Variants in TNPO3 observed in about 807,000 individuals in gnomAD.
The protein encoded by TNPO3 is transportin-3.
In TNPO3, 65 loss-of-function variants were observed where a neutral mutation model predicts 122.8. The observed-to-expected ratio is 0.53, with a 90% CI of 0.43 to 0.65. The LOEUF is 0.65. TNPO3 is among the 30% of genes least tolerant of loss of function. TNPO3 has a pLI of 0.00. For missense variants in TNPO3, 850 were observed against 1,136.7 expected, an observed-to-expected ratio of 0.75 and a Z score of 3.63; for synonymous variants, 372 against 411.2, an observed-to-expected ratio of 0.90 and a Z score of 1.15.
intron 1 of TNPO3, among the ~76,000 whole-genome samples, chr7:129,050,589 G>A (rs1808636390): frequency 6.6e-6 from 1 of 152,176 alleles, no homozygotes; most frequent in African/African-American, 2.4e-5. Flanking sequence ...AAAGATTGAA[G>A]TAGGTGGTCT....
intron 1 of TNPO3, among the ~76,000 whole-genome samples, chr7:129,036,553 A>G (rs1485218006): frequency 6.6e-6 from 1 of 152,200 alleles, no homozygotes; most frequent in African/African-American, 2.4e-5. Flanking sequence ...TTGAATACAG[A>G]CTGATAATAC....
In TNPO3 at chr7:128,990,301, G is replaced by A. The variant is rs910541791; in HGVS notation, c.1359-201C>T. The A allele has an allele frequency of 2.1e-5, 14 of 667,686 alleles. No homozygotes were observed. The South Asian group carries it at 2.3e-4, about 11-fold the overall frequency. The allele number at this position is 667,686 out of a possible 1,614,324, so 41.4% of individuals were successfully genotyped here. On this transcript the variant is annotated intron_variant, in intron 10 of 22. Transcript: ENST00000265388. ...GATAGAAATGAAAGATATTGTTTCAGGAAAAGCATACTGCTCCTTAATCTT... is the reference window on the plus strand; with the variant it reads ...GATAGAAATGAAAGATATTGTTTCAAGAAAAGCATACTGCTCCTTAATCTT...
chr7:129,051,653 G>T (rs1808786675), intron 1 of TNPO3, among the ~76,000 whole-genome samples: 1 of 151,414 alleles, frequency 6.6e-6, no homozygotes. Flanking sequence ...CAACTTTTTT[G>T]TTTTTTTTGA....
rs981808373 is a variant in TNPO3, at chr7:128,970,059, C to G, written c.2598+89G>C. 2.2e-5 allele frequency: 33 copies of G among 1,525,624 alleles called. 1 individual carries two copies. In the Admixed American group the frequency reaches 2.2e-4, roughly 10 times the overall value. 94.5% of individuals were successfully genotyped at this position (1,525,624 alleles called of 1,614,324 possible). On this transcript the variant is annotated intron_variant, in intron 20 of 22. Coordinates refer to ENST00000265388, the MANE Select transcript of TNPO3 (RefSeq NM_012470.4). ...TTGGTTCCATGGACAGAAAACAGGG[C>G]TAGTTTCAAAATTAGGGTTGGCCTT...
chr7:129,035,778 G>A (rs1806576724), intron 1 of TNPO3, among the ~76,000 whole-genome samples: 1 of 152,088 alleles, frequency 6.6e-6, no homozygotes, highest in Non-Finnish European at 1.5e-5. Flanking sequence ...TGATGTGATT[G>A]AGTAAAAATG....
intron 8 of TNPO3, among the ~76,000 whole-genome samples, chr7:128,996,102 C>T (rs1049686749): frequency 6.6e-6 from 1 of 152,126 alleles, no homozygotes; most frequent in African/African-American, 2.4e-5. Flanking sequence ...ATGACTCAAA[C>T]ACAATACTAA....
chr7:129,012,093 C>T (rs370245389), intron 4 of TNPO3, among the ~76,000 whole-genome samples: 1 of 150,042 alleles, frequency 6.7e-6, no homozygotes, highest in East Asian at 2.0e-4. Context: ...GCAACCTCCG[C>T]CTCCCAGGTT....
intron 21 of TNPO3, among the ~76,000 whole-genome samples, chr7:128,959,282 T>C (rs890993809): frequency 2.0e-5 from 3 of 152,200 alleles, no homozygotes; most frequent in African/African-American, 7.2e-5. Flanking sequence ...GTTAGGACAG[T>C]GCTGGAGACC....
Position 128,955,364 on chromosome 7 carries a change from C to T in TNPO3, c.*53G>A. ...AGTCTGGTTTTTGTTTTCTTCCTGT[C>T]TTCTAATTAAAAAAGACATTCCTGA... On this transcript the variant is annotated 3_prime_UTR_variant, in exon 23 of 23. Transcript: ENST00000265388. 1 of 456,198 alleles carries T rather than the reference C, an allele frequency of 2.2e-6. No homozygotes were observed. Among genetic ancestry groups the T allele is most frequent in the Non-Finnish European group, 4.4e-6 (1 of 226,812 alleles). 28.3% of individuals were successfully genotyped at this position (456,198 alleles called of 1,614,324 possible).
chr7:128,965,012 C>CA (rs2128985656), intron 21 of TNPO3, among the ~76,000 whole-genome samples: 1 of 152,276 alleles, frequency 6.6e-6, no homozygotes, highest in African/African-American at 2.4e-5. Context: ...AGGCGGAAAA[C>CA]TTCATGACAT....
At chr7:129,000,917 A>C in intron 6 of TNPO3, 142 bp downstream of exon 6, 2 of 991,914 alleles carry the variant, frequency 2.0e-6, no homozygotes, top group Non-Finnish European at 2.9e-6. Context: ...AGAAGAGCAT[A>C]GTAGAGCATC....
intron 20 of TNPO3, among the ~76,000 whole-genome samples, chr7:128,968,985 C>T (rs1798191926): frequency 6.6e-6 from 1 of 152,040 alleles, no homozygotes; most frequent in African/African-American, 2.4e-5. Context: ...CTTGGTCTCC[C>T]AAAGTATTGG....
intron 10 of TNPO3, 127 bp from the exon 11 acceptor site, chr7:128,990,227 A>T (rs919956344): frequency 9.9e-7 from 1 of 1,010,112 alleles, no homozygotes; most frequent in Non-Finnish European, 1.6e-6. Context: ...AGATAAAAGT[A>T]CTTGGTATTT....
chr7:128,985,012 A>G (rs1800000726), intron 12 of TNPO3, among the ~76,000 whole-genome samples: 1 of 152,130 alleles, frequency 6.6e-6, no homozygotes, highest in Admixed American at 6.5e-5. Context: ...TTCTAACCCC[A>G]CCAACTGCTG....
intron 21 of TNPO3, among the ~76,000 whole-genome samples, chr7:128,965,676 A>G (rs1797863938): frequency 6.6e-6 from 1 of 152,246 alleles, no homozygotes; most frequent in Non-Finnish European, 1.5e-5. Context: ...TCACAACAGC[A>G]GCCCAAATGG....
chr7:128,987,164 G>A (rs887276343), intron 11 of TNPO3, among the ~76,000 whole-genome samples: 1 of 152,150 alleles, frequency 6.6e-6, no homozygotes, highest in African/African-American at 2.4e-5. Context: ...GGCAGTCAAC[G>A]TTAACTCCCA....
chr7:128,987,439 AG>A (rs1800282173), intron 11 of TNPO3, among the ~76,000 whole-genome samples: 1 of 152,254 alleles, frequency 6.6e-6, no homozygotes, highest in African/African-American at 2.4e-5. Flanking sequence ...GAATTAATTC[AG>A]TATGTTTTAA....
In TNPO3 at chr7:128,970,132, AT is replaced by A. The variant is rs1435771088; in HGVS notation, c.2598+15del. ...TTAGGGACTATGAGATAAATTCCTC[AT>A]GAAAACAATCTTACCGGTCTGTCAA... On this transcript the variant is annotated intron_variant, in intron 20 of 22. Coordinates refer to ENST00000265388, the MANE Select transcript of TNPO3 (RefSeq NM_012470.4). The A allele has an allele frequency of 6.2e-7, 1 of 1,614,012 alleles. No homozygotes were observed. Among genetic ancestry groups the A allele is most frequent in the Non-Finnish European group, 8.5e-7 (1 of 1,179,908 alleles).
At chr7:128,984,299 G>T in intron 12 of TNPO3, 40 bp from the exon 13 acceptor site, 1 of 1,469,102 alleles carries the variant, frequency 6.8e-7, no homozygotes. Context: ...AATAAACGCT[G>T]AATTGAGGTA....
Sources: allele counts gnomAD v4.1 joint callset (sites outside exome capture counted in the v4.1 genomes callset), GRCh38; gene constraint gnomAD v4.1.1; transcripts MANE v1.5; gene names NCBI Gene and HGNC (gene_info 2026-07-23, HGNC 2026-07-21).